The following UNC5D variants were observed in gnomAD, a reference collection of about 807,000 sequenced individuals.
The protein encoded by UNC5D is unc-5 netrin receptor D.
UNC5D carries 39 observed loss-of-function variants against 105.4 expected under a neutral mutation model. The observed-to-expected ratio is 0.37, with a 90% CI of 0.29 to 0.48. UNC5D has a LOEUF of 0.48. Ranked by LOEUF, UNC5D falls within the 20% of genes least tolerant of loss-of-function variation. The pLI, the probability that UNC5D is intolerant of heterozygous loss-of-function variation, is 0.98. For synonymous variants in UNC5D, 452 were observed against 450.4 expected, an observed-to-expected ratio of 1.00 and a Z score of -0.04; for missense variants, 991 against 1,202.4, an observed-to-expected ratio of 0.82 and a Z score of 2.60.
At chr8:35,720,205 A>T (rs1828499973) in intron 8 of UNC5D, among the ~76,000 whole-genome samples, 2 of 152,188 alleles carry the variant, frequency 1.3e-5, no homozygotes, top group African/African-American at 4.8e-5. Flanking sequence ...TTTCCAGCCC[A>T]GGCGTCTTGC....
rs190342176 is a variant in UNC5D at position 35,522,269 on chromosome 8, G to C, written c.104-27023G>C. Among the ~76,000 whole-genome samples, 195 of 152,292 alleles carry C rather than the reference G, an allele frequency of 1.3e-3. 1 individual carries two copies. The highest frequency in any genetic ancestry group is 4.4e-3 in the African/African-American group (182 of 41,554). On this transcript the variant is annotated intron_variant, in intron 1 of 16. Coordinates refer to ENST00000404895, the MANE Select transcript of UNC5D (RefSeq NM_080872.4). ...CTAAAATCTGATTTGGGGAATCACT[G>C]TTCTAATCAGTTGTGCACCCACTTA...
chr8:35,547,882 G>A (rs1815817684), intron 1 of UNC5D, among the ~76,000 whole-genome samples: 2 of 152,140 alleles, frequency 1.3e-5, no homozygotes, highest in African/African-American at 4.8e-5. Flanking sequence ...ATCACAAGGT[G>A]AGGTCCCACA....
intron 3 of UNC5D, among the ~76,000 whole-genome samples, chr8:35,587,246 G>T (rs1362169623): frequency 1.3e-5 from 2 of 152,176 alleles, no homozygotes; most frequent in East Asian, 3.9e-4. Flanking sequence ...ACAGAGTGCT[G>T]CTCCAAATTG....
At chr8:35,730,818 C>A (rs1434633996) in intron 10 of UNC5D, among the ~76,000 whole-genome samples, 194 bp from the exon 11 acceptor site, 1 of 151,688 alleles carries the variant, frequency 6.6e-6, no homozygotes, top group East Asian at 1.9e-4. Flanking sequence ...ATAATATGCC[C>A]TTCCTTATGT....
chr8:35,572,642 T>G lies in UNC5D; in HGVS notation c.466+4401T>G, dbSNP rs541626180. On this transcript the variant is annotated intron_variant, in intron 3 of 16. Transcript: ENST00000404895. ...CTAGAAAGGCATGTTTGTATCAAGT[T>G]GTATCCAGGTGATTCTATGATCACC... is the stretch of plus-strand genomic sequence containing the variant. Among the ~76,000 whole-genome samples, 7 of 152,278 alleles carry G rather than the reference T, an allele frequency of 4.6e-5. No individual in the cohort carries two copies. The South Asian group carries it at 8.3e-4, about 18-fold the overall frequency.
chr8:35,420,243 C>T (rs903390120), intron 1 of UNC5D, among the ~76,000 whole-genome samples: 1 of 151,974 alleles, frequency 6.6e-6, no homozygotes, highest in Non-Finnish European at 1.5e-5. Flanking sequence ...ATTGAAGAAG[C>T]TACAGAGCTT....
chr8:35,604,305 C>A (rs1336276037), intron 4 of UNC5D, among the ~76,000 whole-genome samples: 1 of 152,124 alleles, frequency 6.6e-6, no homozygotes, highest in African/African-American at 2.4e-5. Context: ...ACTTATGAAG[C>A]TTAGTTTGGC....
At chr8:35,415,551 C>G (rs1307076090) in intron 1 of UNC5D, among the ~76,000 whole-genome samples, 2 of 152,050 alleles carry the variant, frequency 1.3e-5, no homozygotes, top group African/African-American at 2.4e-5. Context: ...ATCGTCTCCC[C>G]CTGATTCCCT....
At chr8:35,508,547 G>A (rs1358700605) in intron 1 of UNC5D, among the ~76,000 whole-genome samples, 1 of 152,188 alleles carries the variant, frequency 6.6e-6, no homozygotes, top group Non-Finnish European at 1.5e-5. Flanking sequence ...AGTCCAGAGT[G>A]AGCCCTCTAA....
chr8:35,680,545 C>A (rs1054234181), intron 4 of UNC5D, among the ~76,000 whole-genome samples: 3 of 152,114 alleles, frequency 2.0e-5, no homozygotes, highest in African/African-American at 7.2e-5. Context: ...CAATTATTAA[C>A]CTTATATCTA....
At chr8:35,512,569 A>ATATATATATATCTCTC (rs539399345) in intron 1 of UNC5D, among the ~76,000 whole-genome samples, 12 of 64,822 alleles carry the variant, frequency 1.9e-4, no homozygotes, top group East Asian at 8.9e-4. Context: ...ATATATATAT[A>ATATATATATATCTCTC]TCTGAATAGA....
intron 1 of UNC5D, among the ~76,000 whole-genome samples, chr8:35,365,430 G>A (rs1802057372): frequency 1.3e-5 from 2 of 151,574 alleles, no homozygotes; most frequent in African/African-American, 2.4e-5. Context: ...AGATATATTG[G>A]TATCTGAAAA....
chr8:35,239,924 T>C (rs1802699434), intron 1 of UNC5D, among the ~76,000 whole-genome samples: 3 of 151,980 alleles, frequency 2.0e-5, no homozygotes, highest in African/African-American at 4.8e-5. Context: ...TTCCTTTTTC[T>C]CTTTTCTCTT....
chr8:35,782,288 G>T (rs1802536126), intron 16 of UNC5D, among the ~76,000 whole-genome samples: 1 of 152,108 alleles, frequency 6.6e-6, no homozygotes. Context: ...ATTTAAAGAA[G>T]CATATGGAGG....
chr8:35,496,525 T>G (rs1811604970), intron 1 of UNC5D, among the ~76,000 whole-genome samples: 1 of 152,108 alleles, frequency 6.6e-6, no homozygotes, highest in Non-Finnish European at 1.5e-5. Context: ...AATAGTTTGC[T>G]AGGCTAACGG....
At chr8:35,300,545 C>CA (rs1212535205) in intron 1 of UNC5D, among the ~76,000 whole-genome samples, 1 of 136,698 alleles carries the variant, frequency 7.3e-6, no homozygotes, top group Non-Finnish European at 1.6e-5. Flanking sequence ...ACCAAGAAAC[C>CA]AAAGGGAATA....
At chr8:35,572,764 A>G (rs1357064028) in intron 3 of UNC5D, among the ~76,000 whole-genome samples, 1 of 151,978 alleles carries the variant, frequency 6.6e-6, no homozygotes, top group African/African-American at 2.4e-5. Flanking sequence ...CAGTTAAAAT[A>G]ATTCAGTATG....
At chr8:35,487,389 C>A (rs1215577296) in intron 1 of UNC5D, among the ~76,000 whole-genome samples, 1 of 152,114 alleles carries the variant, frequency 6.6e-6, no homozygotes, top group Non-Finnish European at 1.5e-5. Context: ...GGAACAAAAA[C>A]TCACCTCCTT....
intron 1 of UNC5D, among the ~76,000 whole-genome samples, chr8:35,456,969 A>G (rs1232165667): frequency 2.6e-5 from 4 of 152,142 alleles, no homozygotes; most frequent in African/African-American, 9.6e-5. Flanking sequence ...GCCTCTACCT[A>G]TGTTACTTGT....
Sources: gnomAD v4.1 joint callset for allele counts (sites outside exome capture counted in the v4.1 genomes callset) on GRCh38, gnomAD v4.1.1 for gene constraint, MANE v1.5 for transcripts, NCBI Gene and HGNC (gene_info 2026-07-23, HGNC 2026-07-21) for gene names.